The following TRIP12 variants were observed in gnomAD, a reference collection of about 807,000 sequenced individuals.
TRIP12 encodes the protein thyroid hormone receptor interactor 12.
TRIP12 carries 25 observed loss-of-function variants against 244.2 expected under a neutral mutation model. The ratio of observed to expected loss-of-function variants is 0.10; its 90% CI spans 0.07 to 0.14. The LOEUF is 0.14. Ranked by LOEUF, TRIP12 falls within the 10% of genes least tolerant of loss-of-function variation. The pLI is 1.00. For synonymous variants in TRIP12, 905 were observed against 873.1 expected (o/e 1.04, Z -0.64); for missense variants, 1,677 against 2,486.4 (o/e 0.67, Z 6.92).
At chr2:229,883,930 G>A (rs2065394139) in intron 1 of TRIP12, among the ~76,000 whole-genome samples, 1 of 152,088 alleles carries the variant, frequency 6.6e-6, no homozygotes, top group African/African-American at 2.4e-5. Context: ...CCAACATGGT[G>A]AAACTCCATT....
chr2:229,851,042 C>T (rs922324883), intron 4 of TRIP12, among the ~76,000 whole-genome samples: 1 of 152,228 alleles, frequency 6.6e-6, no homozygotes, highest in African/African-American at 2.4e-5. Context: ...CCCCGACGAG[C>T]GCCGCCCCCT....
chr2:229,923,171 T>A (rs541300878), upstream of TRIP12: 2 of 152,694 alleles, frequency 1.3e-5, no homozygotes, highest in East Asian at 3.9e-4. Flanking sequence ...TTCTATCCCA[T>A]TGAAAGTGTG....
chr2:229,865,431 G>T (rs1484183638), intron 2 of TRIP12, among the ~76,000 whole-genome samples: 2 of 150,894 alleles, frequency 1.3e-5, no homozygotes, highest in African/African-American at 2.4e-5. Flanking sequence ...CCTATTATAG[G>T]TATTACACTG....
At chr2:229,849,448 T>C (rs1252002715) in intron 4 of TRIP12, among the ~76,000 whole-genome samples, 1 of 151,854 alleles carries the variant, frequency 6.6e-6, no homozygotes, top group Admixed American at 6.6e-5. Context: ...GATCAAACAC[T>C]TGGGGGTGGG....
intron 32 of TRIP12, 51 bp downstream of exon 32, chr2:229,788,747 A>T: frequency 6.3e-7 from 1 of 1,592,518 alleles, no homozygotes; most frequent in Non-Finnish European, 8.5e-7. Flanking sequence ...ATACATCAAG[A>T]CCAACCCAGT....
At chr2:229,801,309 G>A (rs937518430) in intron 21 of TRIP12, among the ~76,000 whole-genome samples, 2 of 152,184 alleles carry the variant, frequency 1.3e-5, no homozygotes, top group Admixed American at 6.5e-5. Flanking sequence ...TCTTGAAACT[G>A]CCAAAATTCA....
In TRIP12 at chr2:229,767,429, G is replaced by T; in HGVS notation, c.*125C>A. ...TCAACCAAATGTCTCTTTATAATCT[G>T]CAAGCCGTTTTTCCTACAACAAGAA... On this transcript the variant is annotated 3_prime_UTR_variant, in exon 42 of 42. Coordinates refer to ENST00000675903, the MANE Select transcript of TRIP12 (RefSeq NM_001348323.3). 8.5e-7 allele frequency: 1 copy of T among 1,170,368 alleles called. No homozygotes were observed. Among genetic ancestry groups the T allele is most frequent in the Non-Finnish European group, 1.2e-6 (1 of 862,762 alleles). 72.5% of individuals were successfully genotyped at this position (1,170,368 alleles called of 1,614,324 possible).
At chr2:229,867,172 T>TTTTTG (rs1553716929) in intron 2 of TRIP12, among the ~76,000 whole-genome samples, 1 of 8,210 alleles carries the variant, frequency 1.2e-4, no homozygotes, top group Non-Finnish European at 1.6e-3. Flanking sequence ...TGTTTGTTTG[T>TTTTTG]TTTTTTTTTT....
At chr2:229,811,227 T>C (rs1157162176) in intron 13 of TRIP12, 23 bp from the exon 14 acceptor site, 2 of 1,598,620 alleles carry the variant, frequency 1.3e-6, no homozygotes, top group East Asian at 2.3e-5. Flanking sequence ...TAAAGGAAAA[T>C]AAAATTTATT....
intron 3 of TRIP12, 70 bp from the exon 4 acceptor site, chr2:229,859,644 CA>C (rs1287459429): frequency 2.7e-6 from 4 of 1,481,042 alleles, no homozygotes; most frequent in Non-Finnish European, 2.7e-6. Flanking sequence ...ATAATGCTTT[CA>C]AAAAATAAAG....
chr2:229,872,104 T>TAA (rs34496202), intron 2 of TRIP12, among the ~76,000 whole-genome samples: 23,136 of 103,728 alleles, frequency 0.22, 4,255 homozygotes, highest in Non-Finnish European at 0.31. Context: ...ACAGATATTG[T>TAA]AAAAAAAAAA....
Position 229,792,014 on chromosome 2 carries a change from T to C in TRIP12, c.4267A>G (p.Ile1423Val). Residue 1423 changes from isoleucine to valine, a missense_variant, in exon 29 of 42, where the codon ATT becomes GTT. By Grantham distance (29) the Ile-to-Val change is conservative. Coordinates refer to ENST00000675903, the MANE Select transcript of TRIP12 (RefSeq NM_001348323.3). ...TTATACGGCAGCAAATGTTCTCCAA[T>C]ATAAAACTGCAGCCTGTGTCTTACA... Reference protein sequence around the residue: ...GNVRHRLQFYIGEHLLPYNMT... With the variant: ...GNVRHRLQFYVGEHLLPYNMT... 1 of 1,614,120 alleles carries C rather than the reference T, an allele frequency of 6.2e-7. No individual in the cohort carries two copies. The highest frequency in any genetic ancestry group is 8.5e-7 in the Non-Finnish European group (1 of 1,179,994).
rs533156563 is a variant in TRIP12 at position 229,803,438 on chromosome 2, G to A, written c.2998+133C>T. 4 of 604,956 alleles carry A rather than the reference G, an allele frequency of 6.6e-6. No individual in the cohort carries two copies. The African/African-American group carries it at 7.7e-5, about 12-fold the overall frequency. The allele number at this position is 604,956 out of a possible 1,614,324, so 37.5% of individuals were successfully genotyped here. A position where few individuals can be genotyped will look rare whatever the true frequency, so the allele number is the denominator to read the frequency against. On this transcript the variant is annotated intron_variant, in intron 20 of 41. Coordinates refer to ENST00000675903, the MANE Select transcript of TRIP12 (RefSeq NM_001348323.3). Reference sequence around the variant, plus strand: ...CTAAAAGACACATTCTACGTACACAGAGCTATAAGCTAACAGAGCTTTAAA... The same window carrying A: ...CTAAAAGACACATTCTACGTACACAAAGCTATAAGCTAACAGAGCTTTAAA...
At chr2:229,822,792 A>G (rs1162711961) in intron 8 of TRIP12, among the ~76,000 whole-genome samples, 2 of 152,242 alleles carry the variant, frequency 1.3e-5, no homozygotes, top group African/African-American at 2.4e-5. Context: ...CAAATGTTTT[A>G]TAAAGTATTA....
chr2:229,914,872 T>C (rs535796157), intron 1 of TRIP12, among the ~76,000 whole-genome samples: 13 of 152,312 alleles, frequency 8.5e-5, no homozygotes, highest in African/African-American at 3.1e-4. Context: ...TAGAAATATG[T>C]ACATGCTCTC....
chr2:229,886,222 G>A (rs1279750313), intron 1 of TRIP12, among the ~76,000 whole-genome samples: 1 of 152,150 alleles, frequency 6.6e-6, no homozygotes, highest in South Asian at 2.1e-4. Context: ...ACCTGAAATA[G>A]CTGTATCTGA....
rs201253629 is a variant in TRIP12, at chr2:229,831,887, G to T, written c.1271-1048C>A. On this transcript the variant is annotated intron_variant, in intron 6 of 41. Coordinates refer to ENST00000675903, the MANE Select transcript of TRIP12 (RefSeq NM_001348323.3). ...AAGGTTTTTTTTGTTTGTTTTTTGG[G>T]TTTTTTTTTTTTTTTAACACAGATG... Among the ~76,000 whole-genome samples the T allele has an allele frequency of 4.2e-4, 58 of 136,744 alleles. 1 individual carries two copies. Among genetic ancestry groups the T allele is most frequent in the African/African-American group, 1.1e-3 (40 of 37,028 alleles). 89.7% of individuals were successfully genotyped at this position (136,744 alleles called of 152,430 possible).
chr2:229,913,534 A>G (rs1418185343), intron 1 of TRIP12, among the ~76,000 whole-genome samples: 1 of 152,178 alleles, frequency 6.6e-6, no homozygotes, highest in Non-Finnish European at 1.5e-5. Context: ...GGGGTAACCA[A>G]CTAACTAAAA....
intron 1 of TRIP12, among the ~76,000 whole-genome samples, chr2:229,898,066 A>G (rs2069401828): frequency 1.3e-5 from 2 of 152,200 alleles, no homozygotes; most frequent in Admixed American, 1.3e-4. Flanking sequence ...TTTAGAGAGA[A>G]AGAGAGAGAC....
Sources: allele counts gnomAD v4.1 joint callset (sites outside exome capture counted in the v4.1 genomes callset), GRCh38; gene constraint gnomAD v4.1.1; transcripts MANE v1.5; gene names NCBI Gene and HGNC (gene_info 2026-07-23, HGNC 2026-07-21).